The following SNX29 variants were observed in gnomAD, a reference collection of about 807,000 sequenced individuals.
SNX29 encodes the protein sorting nexin 29, also known as sorting nexin-29.
Under a neutral mutation model 102.1 loss-of-function variants are expected in SNX29, and 78 were observed. That is an observed-to-expected ratio of 0.76 (90% CI 0.64 to 0.92). The LOEUF (loss-of-function observed/expected upper bound fraction) is 0.92, where lower values mean the gene tolerates loss of function less well. Among genes scored for constraint, SNX29 ranks in the 40% least tolerant of loss-of-function variants. SNX29 has a pLI of 0.00. For missense variants in SNX29, 1,280 were observed against 1,061.7 expected, an observed-to-expected ratio of 1.21 and a Z score of -2.86; for synonymous variants, 580 against 414.5, an observed-to-expected ratio of 1.40 and a Z score of -4.85.
In SNX29 at chr16:12,199,721, G is replaced by T. The variant is rs778833128; in HGVS notation, c.1678+38G>T. ...CTGAGCCCGGGTTGGGAGGGGCCGG[G>T]CTTTTCCATTAACACCTGTACGTGG... On this transcript the variant is annotated intron_variant, in intron 14 of 20. Transcript: ENST00000566228. 1.3e-5 allele frequency: 21 copies of T among 1,578,002 alleles called. No individual in the cohort carries two copies. The Admixed American group carries it at 2.8e-4, about 21-fold the overall frequency.
Position 12,206,618 on chromosome 16 carries a change from C to T in SNX29, c.1678+6935C>T, listed in dbSNP as rs2077050172. Among the ~76,000 whole-genome samples the T allele has an allele frequency of 1.3e-5, 2 of 152,016 alleles. 1 individual carries two copies. The highest frequency in any genetic ancestry group is 2.9e-5 in the Non-Finnish European group (2 of 68,012). ...TTCTCCTTGGGCTGGCAAGAGGTTG[C>T]CAGCAGCTGTAGCTTTAGTCTTTCT... On this transcript the variant is annotated intron_variant, in intron 14 of 20. Coordinates refer to ENST00000566228, the MANE Select transcript of SNX29 (RefSeq NM_032167.5).
chr16:12,388,982 C>A (rs1240803413), intron 16 of SNX29, among the ~76,000 whole-genome samples: 1 of 152,126 alleles, frequency 6.6e-6, no homozygotes, highest in East Asian at 1.9e-4. Context: ...AGGGTGAGCT[C>A]CTCAGACCTG....
intron 4 of SNX29, among the ~76,000 whole-genome samples, chr16:12,038,398 G>A (rs1484849572): frequency 2.0e-5 from 3 of 152,132 alleles, no homozygotes; most frequent in Non-Finnish European, 2.9e-5. Context: ...CAGGTGCCCC[G>A]GGGCAGCTCT....
At chr16:12,434,572 C>T (rs2085451822) in intron 18 of SNX29, among the ~76,000 whole-genome samples, 1 of 152,138 alleles carries the variant, frequency 6.6e-6, no homozygotes, top group East Asian at 1.9e-4. Flanking sequence ...TGTCCTGAAA[C>T]AGCCTTGTGT....
chr16:12,379,626 T>C (rs922993260), intron 16 of SNX29, among the ~76,000 whole-genome samples: 2 of 152,226 alleles, frequency 1.3e-5, no homozygotes, highest in Non-Finnish European at 2.9e-5. Context: ...GAGGTGATTA[T>C]AAAAGGGATG....
chr16:12,165,190 G>A (rs1292790076), intron 13 of SNX29, among the ~76,000 whole-genome samples: 1 of 152,192 alleles, frequency 6.6e-6, no homozygotes, highest in East Asian at 1.9e-4. Context: ...AAATCGAGTA[G>A]GCCTGTGTTT....
chr16:12,305,698 G>T (rs2080316223), intron 15 of SNX29, among the ~76,000 whole-genome samples: 1 of 152,142 alleles, frequency 6.6e-6, no homozygotes. Flanking sequence ...GCACCTAGAT[G>T]CCTGGGTGTT....
At position 12,568,830 on chromosome 16, in the gene SNX29, G is replaced by C. The variant is rs541502828; in HGVS notation, c.*201G>C. The C allele has an allele frequency of 1.3e-6, 1 of 797,578 alleles. No individual in the cohort carries two copies. Among genetic ancestry groups the C allele is most frequent in the African/African-American group, 1.7e-5 (1 of 57,414 alleles). 49.4% of individuals were successfully genotyped at this position (797,578 alleles called of 1,614,324 possible). On this transcript the variant is annotated 3_prime_UTR_variant, in exon 21 of 21. Coordinates refer to ENST00000566228, the MANE Select transcript of SNX29 (RefSeq NM_032167.5). ...ATGATACCGTGACCCGAGAGACCAA[G>C]GCAGCACCTCGCTGGAGAGACTGGG...
chr16:12,523,994 G>C (rs1404405656), intron 19 of SNX29, among the ~76,000 whole-genome samples: 3 of 152,066 alleles, frequency 2.0e-5, no homozygotes, highest in African/African-American at 7.2e-5. Flanking sequence ...TCAAGTGATT[G>C]TCCTGCCTCA....
chr16:12,117,142 G>A lies in SNX29; in HGVS notation c.1403-9491G>A, dbSNP rs529466268. The stretch of plus-strand genomic sequence containing the variant: ...CCATGGAAACAGGCGTGGTCAATAC[G>A]TGCTTCAGTGCGGACGAACCATGGA... On this transcript the variant is annotated intron_variant, in intron 11 of 20. Coordinates refer to ENST00000566228, the MANE Select transcript of SNX29 (RefSeq NM_032167.5). 4.4e-3 allele frequency among the ~76,000 whole-genome samples: 634 copies of A among 143,372 alleles called. 18 individuals are homozygous for A. The highest frequency in any genetic ancestry group is 0.016 in the African/African-American group (598 of 37,948). 94.1% of individuals were successfully genotyped at this position (143,372 alleles called of 152,430 possible).
At chr16:12,365,266 TC>T (rs535840796) in intron 16 of SNX29, among the ~76,000 whole-genome samples, 7 of 152,026 alleles carry the variant, frequency 4.6e-5, no homozygotes, top group Admixed American at 3.9e-4. Flanking sequence ...TGCCCATTCT[TC>T]ATCTGCGAAG....
At chr16:12,351,225 T>C (rs1029434775) in intron 15 of SNX29, among the ~76,000 whole-genome samples, 1 of 152,222 alleles carries the variant, frequency 6.6e-6, no homozygotes, top group Admixed American at 6.5e-5. Context: ...CTCCGGAGTG[T>C]GTGAACGCAA....
chr16:12,139,474 G>A (rs984055965), intron 13 of SNX29, among the ~76,000 whole-genome samples: 25 of 152,192 alleles, frequency 1.6e-4, no homozygotes, highest in Admixed American at 1.3e-3. Flanking sequence ...TGAAGGGACC[G>A]TGGGGCCAGT....
intron 19 of SNX29, among the ~76,000 whole-genome samples, chr16:12,495,321 T>C (rs867596361): frequency 6.6e-6 from 1 of 152,000 alleles, no homozygotes; most frequent in Non-Finnish European, 1.5e-5. Context: ...CCAGCTAGTT[T>C]ATGTATTTTT....
chr16:12,257,744 T>C (rs2078618761), intron 14 of SNX29, among the ~76,000 whole-genome samples: 1 of 151,378 alleles, frequency 6.6e-6, no homozygotes, highest in Non-Finnish European at 1.5e-5. Flanking sequence ...CCTAGGCTGG[T>C]CTCGAACTCC....
chr16:12,125,545 C>G (rs138159208), intron 11 of SNX29, among the ~76,000 whole-genome samples: 23 of 148,250 alleles, frequency 1.6e-4, no homozygotes, highest in African/African-American at 5.2e-4. Context: ...CTGTTTCTCA[C>G]AGGTGGTTGC....
Position 12,311,541 on chromosome 16 carries a change from C to T in SNX29, c.1782+33505C>T, listed in dbSNP as rs561001728. 2.6e-5 allele frequency among the ~76,000 whole-genome samples: 4 copies of T among 152,372 alleles called. No individual in the cohort carries two copies. In the South Asian group the frequency reaches 8.3e-4, roughly 32 times the overall value. ...GCAGGGCGGTTGAGCTTGCAGCTCC[C>T]TCTGCCTGAAATGCTCTTCCCAAGG... On this transcript the variant is annotated intron_variant, in intron 15 of 20. Transcript: ENST00000566228.
At chr16:12,206,876 C>T (rs563191507) in intron 14 of SNX29, among the ~76,000 whole-genome samples, 40 of 141,598 alleles carry the variant, frequency 2.8e-4, no homozygotes, top group Non-Finnish European at 2.4e-4. Context: ...TGGAGTACAG[C>T]GTTTGGAACC....
At chr16:12,034,455 A>G (rs1214263312) in intron 4 of SNX29, among the ~76,000 whole-genome samples, 1 of 152,226 alleles carries the variant, frequency 6.6e-6, no homozygotes, top group Admixed American at 6.5e-5. Flanking sequence ...GTGGTTGACA[A>G]CTGGCAGAAA....
Sources: allele counts gnomAD v4.1 joint callset (sites outside exome capture counted in the v4.1 genomes callset), GRCh38; gene constraint gnomAD v4.1.1; transcripts MANE v1.5; gene names NCBI Gene and HGNC (gene_info 2026-07-23, HGNC 2026-07-21).